The following FBXL4 variants were observed in gnomAD, a reference collection of about 807,000 sequenced individuals.
FBXL4 encodes F-box and leucine rich repeat protein 4.
Under a neutral mutation model 58.9 loss-of-function variants are expected in FBXL4, and 40 were observed. The ratio of observed to expected loss-of-function variants is 0.68; its 90% CI spans 0.53 to 0.88. The LOEUF (loss-of-function observed/expected upper bound fraction) is 0.88. Ranked by LOEUF, FBXL4 falls within the 40% of genes least tolerant of loss-of-function variation. FBXL4 has a pLI of 0.00. For synonymous variants in FBXL4, 263 were observed against 265.5 expected (o/e 0.99, Z 0.09); for missense variants, 676 against 734.4 (o/e 0.92, Z 0.92).
chr6:98,901,449 G>C (rs1464939485), intron 6 of FBXL4, among the ~76,000 whole-genome samples: 3 of 152,050 alleles, frequency 2.0e-5, no homozygotes, highest in African/African-American at 7.2e-5. Flanking sequence ...AAAGACTCTG[G>C]CTTTATACCA....
At chr6:98,913,791 C>A (rs1394295165) in intron 5 of FBXL4, among the ~76,000 whole-genome samples, 1 of 152,046 alleles carries the variant, frequency 6.6e-6, no homozygotes, top group Non-Finnish European at 1.5e-5. Context: ...CAAAAGATAG[C>A]AGAAGGCAAG....
rs10633715 is a variant in FBXL4, at chr6:98,920,819, T to TACACACACAC, written c.513-3110_513-3101dup. Among the ~76,000 whole-genome samples the TACACACACAC allele has an allele frequency of 6.6e-4, 96 of 144,932 alleles. 1 individual carries two copies. Among genetic ancestry groups the TACACACACAC allele is most frequent in the Non-Finnish European group, 8.9e-4 (58 of 65,110 alleles). On this transcript the variant is annotated intron_variant, in intron 4 of 9. Transcript: ENST00000369244. ...ACATGTACATATGGGTACACACACA[T>TACACACACAC]ACACACACACACACACACACACACA...
intron 5 of FBXL4, among the ~76,000 whole-genome samples, chr6:98,910,749 A>G (rs568276145): frequency 3.9e-5 from 6 of 152,286 alleles, no homozygotes; most frequent in African/African-American, 1.4e-4. Flanking sequence ...AGCGTGAGCA[A>G]CGCATTAGAC....
At chr6:98,901,829 C>A (rs774395683) in intron 6 of FBXL4, among the ~76,000 whole-genome samples, 7 of 152,030 alleles carry the variant, frequency 4.6e-5, no homozygotes, top group Non-Finnish European at 1.0e-4. Context: ...TGCCACTGAT[C>A]ATTTGAAAGG....
chr6:98,946,592 C>T (rs150772673), intron 1 of FBXL4, among the ~76,000 whole-genome samples: 17 of 152,264 alleles, frequency 1.1e-4, no homozygotes, highest in African/African-American at 3.1e-4. Context: ...TATTTCATCA[C>T]GGCGTGAGTA....
chr6:98,914,902 T>C (rs1359965714), intron 5 of FBXL4, among the ~76,000 whole-genome samples: 1 of 152,186 alleles, frequency 6.6e-6, no homozygotes, highest in Admixed American at 6.5e-5. Context: ...CACAACATGA[T>C]TGTATATCTA....
Position 98,899,373 on chromosome 6 carries a change from C to T in FBXL4, c.1212G>A (p.Gln404=). The T allele has an allele frequency of 6.2e-7, 1 of 1,613,944 alleles. No individual in the cohort carries two copies. Among genetic ancestry groups the T allele is most frequent in the Non-Finnish European group, 8.5e-7 (1 of 1,179,958 alleles). ...TATCACAGGAGGAGAGATTTAAGGC[C>T]TGTAGATTTGGACACATCTCAGAAA... ...EVISEMCPNL[Q]ALNLSSCDKL... The change falls in exon 7 of 10, where the codon CAG becomes CAA. Residue 404 remains glutamine (Q), a synonymous_variant. Transcript: ENST00000369244.
chr6:98,877,576 T>C (rs763313823), intron 8 of FBXL4, among the ~76,000 whole-genome samples: 1 of 152,202 alleles, frequency 6.6e-6, no homozygotes, highest in East Asian at 1.9e-4. Context: ...TTATTAACTA[T>C]AATTCCTTCT....
chr6:98,908,786 C>A (rs997454378), intron 5 of FBXL4, among the ~76,000 whole-genome samples: 5 of 152,096 alleles, frequency 3.3e-5, no homozygotes, highest in African/African-American at 1.2e-4. Flanking sequence ...GATACATTTC[C>A]CACTATCCTC....
At chr6:98,880,936 T>C (rs1215875905) in intron 7 of FBXL4, among the ~76,000 whole-genome samples, 1 of 152,164 alleles carries the variant, frequency 6.6e-6, no homozygotes, top group Non-Finnish European at 1.5e-5. Flanking sequence ...TTTGAAAGTC[T>C]GGCTACAATT....
intron 1 of FBXL4, among the ~76,000 whole-genome samples, chr6:98,936,397 G>T (rs1205770636): frequency 6.6e-6 from 1 of 152,174 alleles, no homozygotes; most frequent in East Asian, 1.9e-4. Flanking sequence ...ATATGAAAGT[G>T]AAATAATATG....
Position 98,872,660 on chromosome 6 carries a change from A to G in FBXL4, c.*1618T>C, listed in dbSNP as rs191166884. On this transcript the variant is annotated 3_prime_UTR_variant, in exon 10 of 10. Coordinates refer to ENST00000369244, the MANE Select transcript of FBXL4 (RefSeq NM_001278716.2). Reference sequence around the variant, plus strand: ...ATCTCAGTTTTACCTCTTAGCCCACAAAGCCTAAAATATTTACTATCTGGC... The same window carrying G: ...ATCTCAGTTTTACCTCTTAGCCCACGAAGCCTAAAATATTTACTATCTGGC... The G allele has an allele frequency of 3.4e-4, 52 of 152,278 alleles. No individual in the cohort carries two copies. Among genetic ancestry groups the G allele is most frequent in the African/African-American group, 1.2e-3 (48 of 41,552 alleles). 9.4% of individuals were successfully genotyped at this position (152,278 alleles called of 1,614,324 possible).
Position 98,937,088 on chromosome 6 carries a change from T to A in FBXL4, c.-308-2209A>T, listed in dbSNP as rs147320814. Among the ~76,000 whole-genome samples the A allele has an allele frequency of 8.2e-3, 1,252 of 152,252 alleles. 16 individuals are homozygous for A. Among genetic ancestry groups the A allele is most frequent in the Middle Eastern group, 0.017 (5 of 294 alleles). ...ATTTTGGGAAACTGAGGCAGGTGGA[T>A]CACCAGAGGTCAGGAGTTTGAGACC... On this transcript the variant is annotated intron_variant, in intron 1 of 9. Transcript: ENST00000369244.
chr6:98,928,955 A>G (rs1246192029), intron 2 of FBXL4, among the ~76,000 whole-genome samples: 1 of 152,088 alleles, frequency 6.6e-6, no homozygotes, highest in East Asian at 1.9e-4. Flanking sequence ...CTGGCACTGC[A>G]TTTTTATGAG....
At chr6:98,910,584 G>A (rs931961662) in intron 5 of FBXL4, among the ~76,000 whole-genome samples, 58 of 152,008 alleles carry the variant, frequency 3.8e-4, no homozygotes, top group African/African-American at 1.4e-3. Context: ...ATGAACCCAG[G>A]AGGCGGAGCT....
intron 9 of FBXL4, among the ~76,000 whole-genome samples, chr6:98,874,776 T>C (rs1220429236): frequency 6.6e-6 from 1 of 152,162 alleles, no homozygotes. Flanking sequence ...CACCATGCAT[T>C]TGATGTAAAA....
At chr6:98,919,851 T>A (rs1772511862) in intron 4 of FBXL4, among the ~76,000 whole-genome samples, 1 of 152,210 alleles carries the variant, frequency 6.6e-6, no homozygotes, top group African/African-American at 2.4e-5. Context: ...CTTACTTTTT[T>A]GTCGCCACTG....
chr6:98,875,271 C>T (rs1419556016), intron 9 of FBXL4, 144 bp downstream of exon 9: 1 of 713,886 alleles, frequency 1.4e-6, no homozygotes, highest in African/African-American at 1.8e-5. Context: ...ATCTATCTTG[C>T]ATTTCCTATC....
At chr6:98,922,040 G>T (rs375389076) in intron 4 of FBXL4, among the ~76,000 whole-genome samples, 1 of 152,050 alleles carries the variant, frequency 6.6e-6, no homozygotes, top group East Asian at 1.9e-4. Flanking sequence ...TGATTCTCCC[G>T]CCTCAGCCTC....
Sources: gnomAD v4.1 joint callset for allele counts (sites outside exome capture counted in the v4.1 genomes callset) on GRCh38, gnomAD v4.1.1 for gene constraint, MANE v1.5 for transcripts, NCBI Gene and HGNC (gene_info 2026-07-23, HGNC 2026-07-21) for gene names.